The following ITGB6 variants were observed in gnomAD, a reference collection of about 807,000 sequenced individuals.
ITGB6 encodes the protein integrin beta-6.
In ITGB6, 80 loss-of-function variants were observed where a neutral mutation model predicts 84.5. The observed-to-expected ratio is 0.95, with a 90% confidence interval of 0.79 to 1.14. The LOEUF (loss-of-function observed/expected upper bound fraction) is 1.14. Among genes scored for constraint, ITGB6 ranks in the 50% most tolerant of loss-of-function variants. The pLI, the probability that ITGB6 is intolerant of heterozygous loss-of-function variation, is 0.00. For missense variants in ITGB6, 1,006 were observed against 968.0 expected (o/e 1.04, Z -0.52); for synonymous variants, 383 against 354.9 (o/e 1.08, Z -0.89).
At chr2:160,177,078 T>A (rs1386952316) in intron 4 of ITGB6, among the ~76,000 whole-genome samples, 1 of 152,202 alleles carries the variant, frequency 6.6e-6, no homozygotes, top group Admixed American at 6.5e-5. Flanking sequence ...TATTAGTGTA[T>A]GGCATGGCAT....
chr2:160,103,546 C>T (rs1384940207), intron 14 of ITGB6, among the ~76,000 whole-genome samples: 2 of 152,100 alleles, frequency 1.3e-5, no homozygotes, highest in Non-Finnish European at 2.9e-5. Context: ...CTTATCTAGT[C>T]TTGCTGCTCT....
rs529440556 is a variant in ITGB6, at chr2:160,145,427, A to C, written c.1018-3356T>G. On this transcript the variant is annotated intron_variant, in intron 7 of 14. Transcript: ENST00000283249. ...CTTAGTTTTCTTAACTTCCTTCTTC[A>C]AGTCCTATTTATCTCTTCACTCGGC... 1.4e-4 allele frequency among the ~76,000 whole-genome samples: 22 copies of C among 152,218 alleles called. No homozygotes were observed. In the South Asian group the frequency reaches 4.6e-3, roughly 32 times the overall value.
intron 12 of ITGB6, among the ~76,000 whole-genome samples, chr2:160,118,771 A>G (rs201129293): frequency 0.12 from 18,289 of 146,830 alleles, 1,611 homozygotes; most frequent in East Asian, 0.28. Context: ...AAACCCCATC[A>G]TCTCAGCCCA....
Position 160,200,248 on chromosome 2 carries a change from CAG to C in ITGB6, c.-187_-186del, listed in dbSNP as rs1473988344. 3 of 546,262 alleles carry C rather than the reference CAG, an allele frequency of 5.5e-6. No homozygotes were observed. The highest frequency in any genetic ancestry group is 7.2e-5 in the Admixed American group (2 of 27,770). The allele number at this position is 546,262 out of a possible 1,614,324, so 33.8% of individuals were successfully genotyped here. On this transcript the variant is annotated 5_prime_UTR_variant, in exon 1 of 15. Coordinates refer to ENST00000283249, the MANE Select transcript of ITGB6 (RefSeq NM_000888.5). The stretch of plus-strand genomic sequence containing the variant: ...GTTTTCATTAAGACTGAAATGAAAA[CAG>C]AGGCTACCTGGACAGGTAAAGCAGA...
At chr2:160,119,203 A>G (rs1399809865) in intron 12 of ITGB6, among the ~76,000 whole-genome samples, 4 of 152,172 alleles carry the variant, frequency 2.6e-5, no homozygotes, top group African/African-American at 7.2e-5. Context: ...AGCCCGCGTC[A>G]CCAAGTCAAT....
intron 2 of ITGB6, among the ~76,000 whole-genome samples, 173 bp from the exon 3 acceptor site, chr2:160,196,593 A>G (rs1686349105): frequency 6.6e-6 from 1 of 152,164 alleles, no homozygotes. Context: ...TTATAGGTGA[A>G]TAACCAGAGA....
rs1322123626 is a variant in ITGB6 at position 160,160,236 on chromosome 2, G to A, written c.1017+8976C>T. 2.0e-5 allele frequency among the ~76,000 whole-genome samples: 3 copies of A among 152,188 alleles called. 1 individual carries two copies. The highest frequency in any genetic ancestry group is 2.9e-5 in the Non-Finnish European group (2 of 68,038). ...TAGATAGGCGGCCAGATAAAATACA[G>A]AATGCTCAGATAAATTGGAAAGCAG... On this transcript the variant is annotated intron_variant, in intron 7 of 14. Coordinates refer to ENST00000283249, the MANE Select transcript of ITGB6 (RefSeq NM_000888.5).
intron 4 of ITGB6, among the ~76,000 whole-genome samples, chr2:160,194,795 A>G (rs1303930197): frequency 1.3e-5 from 2 of 152,206 alleles, no homozygotes; most frequent in African/African-American, 4.8e-5. Context: ...TTAATAGCTT[A>G]TTATAGCATA....
rs1354382788 is a variant in ITGB6, at chr2:160,138,160, T to G, written c.1147A>C (p.Thr383Pro). ...SEVELEVLGDTEGLNLSFTAI... is the reference protein window; with the variant it reads ...SEVELEVLGDPEGLNLSFTAI... ...GTAAATGACAAGTTGAGTCCTTCAG[T>G]GTCTCCTAATACTTCCAGTTCCACC... The change falls in exon 9 of 15, where the codon ACT becomes CCT. Residue 383 changes from threonine to proline, a missense_variant. Thr to Pro is a conservative substitution (Grantham distance 38). Transcript: ENST00000283249. 6 of 1,613,962 alleles carry G rather than the reference T, an allele frequency of 3.7e-6. No individual in the cohort carries two copies. The highest frequency in any genetic ancestry group is 5.1e-6 in the Non-Finnish European group (6 of 1,179,938).
rs1696717798 is a variant in ITGB6, at chr2:160,101,476, A to AT, written c.*259dup. ...TCAGGCCCCCATGAATCATTTGATG[A>AT]TTTTTTGAAGCATTAATGCAACAGA... is the stretch of plus-strand genomic sequence containing the variant. On this transcript the variant is annotated 3_prime_UTR_variant, in exon 15 of 15. Transcript: ENST00000283249. 5.4e-6 allele frequency: 2 copies of AT among 372,006 alleles called. No homozygotes were observed. Among genetic ancestry groups the AT allele is most frequent in the South Asian group, 3.4e-5 (1 of 29,308 alleles). 23.0% of individuals were successfully genotyped at this position (372,006 alleles called of 1,614,324 possible).
intron 7 of ITGB6, among the ~76,000 whole-genome samples, chr2:160,163,465 C>G (rs573395918): frequency 1.7e-4 from 26 of 152,216 alleles, no homozygotes; most frequent in Non-Finnish European, 3.4e-4. Context: ...AACCCCGTCT[C>G]TACTAAAAAC....
Position 160,196,405 on chromosome 2 carries a change from A to G in ITGB6, c.157T>C (p.Ser53Pro), listed in dbSNP as rs761037603. The G allele has an allele frequency of 1.6e-5, 26 of 1,609,908 alleles. No individual in the cohort carries two copies. Among genetic ancestry groups the G allele is most frequent in the East Asian group, 2.2e-5 (1 of 44,870 alleles). The change falls in exon 3 of 15, where the codon TCT becomes CCT. Residue 53 changes from serine to proline, a missense_variant. Ser to Pro is a moderately conservative substitution (Grantham distance 74). Coordinates refer to ENST00000283249, the MANE Select transcript of ITGB6 (RefSeq NM_000888.5). ...WCAQENFTHP[S>P]GVGERCDTPA... ...GTATCACACCTTTCGCCAACTCCAG[A>G]TGGATGAGTAAAATTCTAAAAAAGA...
At chr2:160,118,958 G>A (rs1574048369) in intron 12 of ITGB6, among the ~76,000 whole-genome samples, 1 of 152,094 alleles carries the variant, frequency 6.6e-6, no homozygotes, top group South Asian at 2.1e-4. Flanking sequence ...CAACTTACAA[G>A]GGATGTGAAG....
intron 12 of ITGB6, among the ~76,000 whole-genome samples, chr2:160,122,716 T>C (rs1254722981): frequency 6.6e-6 from 1 of 152,224 alleles, no homozygotes; most frequent in Non-Finnish European, 1.5e-5. Flanking sequence ...TGAGCACATA[T>C]CATGACCCTC....
intron 7 of ITGB6, among the ~76,000 whole-genome samples, chr2:160,157,803 T>A (rs1219374622): frequency 6.7e-6 from 1 of 148,524 alleles, no homozygotes; most frequent in East Asian, 2.0e-4. Flanking sequence ...ATTTATCTGG[T>A]CAAAGAAAAA....
chr2:160,177,393 C>T (rs985307560), intron 4 of ITGB6, among the ~76,000 whole-genome samples: 2 of 151,830 alleles, frequency 1.3e-5, no homozygotes, highest in Non-Finnish European at 2.9e-5. Flanking sequence ...GGTGAAACCC[C>T]ATCTCTACTG....
intron 12 of ITGB6, among the ~76,000 whole-genome samples, chr2:160,123,226 T>C (rs1167323581): frequency 6.6e-6 from 1 of 152,090 alleles, no homozygotes; most frequent in Non-Finnish European, 1.5e-5. Flanking sequence ...AGAGAATAGG[T>C]CTTTCTTGTA....
intron 7 of ITGB6, among the ~76,000 whole-genome samples, chr2:160,165,623 G>A (rs988819765): frequency 6.6e-6 from 1 of 152,194 alleles, no homozygotes; most frequent in Admixed American, 6.5e-5. Flanking sequence ...ACTTACGTAT[G>A]GTGGATAATT....
chr2:160,141,072 C>CT lies in ITGB6; in HGVS notation c.1107+909dup, dbSNP rs796824242. Among the ~76,000 whole-genome samples the CT allele has an allele frequency of 6.2e-3, 934 of 150,812 alleles. 3 individuals carry two copies. The highest frequency in any genetic ancestry group is 0.021 in the African/African-American group (870 of 41,210). On this transcript the variant is annotated intron_variant, in intron 8 of 14. Coordinates refer to ENST00000283249, the MANE Select transcript of ITGB6 (RefSeq NM_000888.5). ...ATGTTGGCGTATATTACAGATGGGC[C>CT]TTTTTTTTTGTAATTTTAAAACATC... is the stretch of plus-strand genomic sequence containing the variant.
Sources: allele counts gnomAD v4.1 joint callset (sites outside exome capture counted in the v4.1 genomes callset), GRCh38; gene constraint gnomAD v4.1.1; transcripts MANE v1.5; gene names NCBI Gene and HGNC (gene_info 2026-07-23, HGNC 2026-07-21).